The following FRMPD4 variants were observed in gnomAD, a reference collection of about 807,000 sequenced individuals.
FRMPD4 encodes FERM and PDZ domain containing 4.
FRMPD4 carries 22 observed loss-of-function variants against 94.1 expected under a neutral mutation model. The observed-to-expected ratio is 0.23, with a 90% CI of 0.17 to 0.33. The LOEUF (loss-of-function observed/expected upper bound fraction) is 0.33, where lower values mean the gene tolerates loss of function less well. FRMPD4 is among the 10% of genes least tolerant of loss of function. The pLI, the probability that FRMPD4 is intolerant of heterozygous loss-of-function variation, is 1.00. For missense variants in FRMPD4, 1,111 were observed against 1,339.9 expected (o/e 0.83, Z 2.67); for synonymous variants, 631 against 548.6 (o/e 1.15, Z -2.10).
At chrX:12,170,993 A>C (rs1281740308) in intron 1 of FRMPD4, among the ~76,000 whole-genome samples, 1 of 113,573 alleles carries the variant, frequency 8.8e-6, no homozygotes, top group Non-Finnish European at 1.9e-5. Context: ...CACTGCGCTT[A>C]AGAGAAGTTT....
At chrX:12,319,449 G>GGATGGGA (rs2055174904) in intron 1 of FRMPD4, among the ~76,000 whole-genome samples, 1 of 111,999 alleles carries the variant, frequency 8.9e-6, no homozygotes, top group Non-Finnish European at 1.9e-5. Context: ...GTTTAAAAAC[G>GGATGGGA]ACCCAGGTGG....
At chrX:12,144,582 A>G (rs993973867) in intron 1 of FRMPD4, among the ~76,000 whole-genome samples, 18 of 110,690 alleles carry the variant, frequency 1.6e-4, no homozygotes, top group African/African-American at 5.9e-4. Context: ...GAAGTCATAT[A>G]CAATTCATTC....
At chrX:12,481,769 G>A (rs373992986) in intron 1 of FRMPD4, among the ~76,000 whole-genome samples, 7 of 104,984 alleles carry the variant, frequency 6.7e-5, no homozygotes, top group African/African-American at 1.4e-4. Flanking sequence ...GTGAAACCCC[G>A]TCTCTACTAA....
chrX:12,561,824 A>C (rs1239083818), intron 2 of FRMPD4, among the ~76,000 whole-genome samples: 1 of 112,445 alleles, frequency 8.9e-6, no homozygotes, highest in East Asian at 2.8e-4. Flanking sequence ...TTAAGCACAG[A>C]GAGGGTTTTG....
At chrX:12,684,856 G>C (rs1174345165) in intron 6 of FRMPD4, among the ~76,000 whole-genome samples, 1 of 112,286 alleles carries the variant, frequency 8.9e-6, no homozygotes, top group Non-Finnish European at 1.9e-5. Flanking sequence ...CAAGGCAGCT[G>C]ATGTGTAAGG....
At chrX:12,323,441 T>G (rs1427586720) in intron 1 of FRMPD4, among the ~76,000 whole-genome samples, 1 of 111,244 alleles carries the variant, frequency 9.0e-6, no homozygotes, top group Non-Finnish European at 1.9e-5. Flanking sequence ...GCCAGGATGG[T>G]TACTAAGATG....
chrX:12,148,862 C>A (rs2055807693), intron 1 of FRMPD4, among the ~76,000 whole-genome samples: 1 of 112,016 alleles, frequency 8.9e-6, no homozygotes, highest in Non-Finnish European at 1.9e-5. Context: ...AGGAATGGAA[C>A]CACAAAGCCT....
rs199562576 is a variant in FRMPD4, at chrX:11,852,447, AAAAAAAAAAAAAAAG to A, written c.-160-12633_-160-12619del. Among the ~76,000 whole-genome samples, 6 of 107,112 alleles carry A rather than the reference AAAAAAAAAAAAAAAG, an allele frequency of 5.6e-5. No individual in the cohort carries two copies. In the East Asian group the frequency reaches 1.2e-3, roughly 21 times the overall value. The allele number at this position is 107,112 out of a possible 115,157, so 93.0% of individuals were successfully genotyped here. A position where few individuals can be genotyped will look rare whatever the true frequency, so the allele number is the denominator to read the frequency against. On this transcript the variant is annotated intron_variant, in intron 1 of 18. Transcript: ENST00000640291. ...ACAGAGTGAGACCCTGTCTCCAAAAAAAAAAAAAAAAAAAGAAAAAGAAAAAAAAGAATATACTTC... is the reference window on the plus strand; with the variant it reads ...ACAGAGTGAGACCCTGTCTCCAAAAAAAAAAGAAAAAAAAGAATATACTTC...
chrX:12,615,692 C>T, intron 4 of FRMPD4, among the ~76,000 whole-genome samples: 1 of 111,343 alleles, frequency 9.0e-6, no homozygotes, highest in Middle Eastern at 4.7e-3. Context: ...AAGATTGAAG[C>T]CAAAGCTGAG....
intron 4 of FRMPD4, among the ~76,000 whole-genome samples, chrX:12,630,225 C>T (rs1320094145): frequency 8.9e-6 from 1 of 112,557 alleles, no homozygotes; most frequent in Non-Finnish European, 1.9e-5. Flanking sequence ...ACAAACTTTT[C>T]CCTTAAAAGG....
chrX:11,850,000 A>G (rs1227016809), intron 1 of FRMPD4, among the ~76,000 whole-genome samples: 1 of 112,061 alleles, frequency 8.9e-6, no homozygotes, highest in Admixed American at 9.5e-5. Flanking sequence ...AACCTATGGA[A>G]TGGGAGAAAA....
chrX:12,707,856 C>G (rs1315284228), intron 13 of FRMPD4, among the ~76,000 whole-genome samples: 1 of 112,331 alleles, frequency 8.9e-6, no homozygotes, highest in Non-Finnish European at 1.9e-5. Flanking sequence ...CGCTATAATT[C>G]TCTGCGCTCA....
At chrX:12,375,040 G>T (rs1459797398) in intron 1 of FRMPD4, 1 of 112,085 alleles carries the variant, frequency 8.9e-6, no homozygotes, top group Non-Finnish European at 1.9e-5. Flanking sequence ...CCAGCCTCTG[G>T]CTGTCCAATC....
intron 1 of FRMPD4, among the ~76,000 whole-genome samples, chrX:12,471,616 G>A (rs907506859): frequency 2.7e-5 from 3 of 111,583 alleles, no homozygotes; most frequent in Non-Finnish European, 3.8e-5. Context: ...AGTCAGAAGT[G>A]CACACAAGCC....
chrX:11,912,671 T>C (rs966533483), intron 3 of FRMPD4, among the ~76,000 whole-genome samples: 2 of 111,435 alleles, frequency 1.8e-5, no homozygotes, highest in African/African-American at 6.5e-5. Flanking sequence ...GCCCCTTCAA[T>C]ACTTGTATTT....
chrX:12,327,703 A>G (rs991162356), intron 1 of FRMPD4, among the ~76,000 whole-genome samples: 5 of 111,111 alleles, frequency 4.5e-5, no homozygotes, highest in African/African-American at 1.3e-4. Flanking sequence ...TCAGCCAGGG[A>G]ACTGGCTCTG....
intron 4 of FRMPD4, among the ~76,000 whole-genome samples, chrX:12,651,339 ATT>A (rs5901482): frequency 0.011 from 957 of 84,745 alleles, 7 homozygotes; most frequent in African/African-American, 0.018. Flanking sequence ...ACCCACTAGG[ATT>A]TTTTTTTTTT....
chrX:11,822,585 C>T (rs1476523966), exon 1 of FRMPD4, among the ~76,000 whole-genome samples: 1 of 112,285 alleles, frequency 8.9e-6, no homozygotes, highest in Non-Finnish European at 1.9e-5. Flanking sequence ...CTCTTTTCCA[C>T]TCTGGGAATG....
At chrX:12,262,085 C>G (rs1311459197) in intron 1 of FRMPD4, among the ~76,000 whole-genome samples, 2 of 110,877 alleles carry the variant, frequency 1.8e-5, no homozygotes, top group Non-Finnish European at 3.8e-5. Flanking sequence ...CTAGCACACT[C>G]TAGCCCACTG....
Sources: allele counts gnomAD v4.1 joint callset (sites outside exome capture counted in the v4.1 genomes callset), GRCh38; gene constraint gnomAD v4.1.1; transcripts MANE v1.5; gene names NCBI Gene and HGNC (gene_info 2026-07-23, HGNC 2026-07-21).